Variants in TXNL4A observed in about 807,000 individuals in gnomAD.
TXNL4A encodes thioredoxin-like protein 4A.
A neutral mutation model predicts 14.6 loss-of-function variants in TXNL4A; 17 were observed. The ratio of observed to expected loss-of-function variants is 1.16; its 90% confidence interval spans 0.80 to 1.74. TXNL4A has a LOEUF of 1.74. Among genes scored for constraint, TXNL4A ranks in the 40% most tolerant of loss-of-function variants. The pLI is 0.00. For synonymous variants in TXNL4A, 83 were observed against 70.6 expected (o/e 1.18, Z -0.88); for missense variants, 74 against 195.2 (o/e 0.38, Z 3.70).
chr18:79,977,405 A>C (rs1480063271), intron 2 of TXNL4A, 193 bp downstream of exon 2: 2 of 556,944 alleles, frequency 3.6e-6, no homozygotes, highest in African/African-American at 3.9e-5. Context: ...TACTGAGTAA[A>C]TGCTAAAACT....
At chr18:79,991,066 C>T (rs554843285), upstream of TXNL4A, among the ~76,000 whole-genome samples, 1 of 147,376 alleles carries the variant, frequency 6.8e-6, no homozygotes, top group Non-Finnish European at 1.5e-5. Flanking sequence ...CGAGATTGTA[C>T]CACTGCACTC....
At chr18:79,989,903 G>A (rs1159383605), upstream of TXNL4A, among the ~76,000 whole-genome samples, 1 of 152,238 alleles carries the variant, frequency 6.6e-6, no homozygotes, top group Non-Finnish European at 1.5e-5. Flanking sequence ...GGCTGAGGCA[G>A]GAGAATCGCT....
chr18:79,981,109 A>G (rs1298377014), intron 1 of TXNL4A, among the ~76,000 whole-genome samples: 2 of 152,264 alleles, frequency 1.3e-5, no homozygotes, highest in African/African-American at 4.8e-5. Flanking sequence ...GGTCACAGGC[A>G]TTAGGAAAGT....
upstream of TXNL4A, among the ~76,000 whole-genome samples, chr18:79,990,879 C>T (rs1435376365): frequency 2.1e-5 from 3 of 142,232 alleles, no homozygotes; most frequent in African/African-American, 7.6e-5. Flanking sequence ...CCGAGGCGGG[C>T]GGATCACGAG....
intron 1 of TXNL4A, among the ~76,000 whole-genome samples, chr18:80,015,659 A>G (rs1376925602): frequency 1.7e-3 from 261 of 150,994 alleles, no homozygotes; most frequent in African/African-American, 5.8e-3. Context: ...ATGATTTCCA[A>G]TTTCATCCAT....
chr18:80,031,036 C>G (rs1181014766), intron 1 of TXNL4A, among the ~76,000 whole-genome samples: 2 of 152,180 alleles, frequency 1.3e-5, no homozygotes, highest in Non-Finnish European at 2.9e-5. Flanking sequence ...GTGGAAAGGA[C>G]CAGCTCATTA....
intron 2 of TXNL4A, among the ~76,000 whole-genome samples, chr18:79,974,546 A>G (rs2051349972): frequency 6.6e-6 from 1 of 152,196 alleles, no homozygotes; most frequent in South Asian, 2.1e-4. Context: ...CATCTAGGCT[A>G]GGGCATAGTG....
chr18:79,992,592 T>A (rs961501014), upstream of TXNL4A, among the ~76,000 whole-genome samples: 4 of 152,088 alleles, frequency 2.6e-5, no homozygotes, highest in Non-Finnish European at 4.4e-5. Context: ...CCCCTTTTGG[T>A]TCCTAAATAA....
At chr18:79,989,923 G>C (rs190549239), upstream of TXNL4A, among the ~76,000 whole-genome samples, 6 of 152,194 alleles carry the variant, frequency 3.9e-5, no homozygotes, top group African/African-American at 1.2e-4. Context: ...TTGAACCCAG[G>C]GGGTGGAGGT....
intron 1 of TXNL4A, among the ~76,000 whole-genome samples, chr18:80,006,463 A>C (rs1599744339): frequency 1.3e-5 from 2 of 152,180 alleles, no homozygotes. Context: ...TTGAGCGCCC[A>C]GTGGTGGATT....
intron 1 of TXNL4A, among the ~76,000 whole-genome samples, chr18:80,007,484 A>C (rs2051739245): frequency 6.6e-6 from 1 of 152,230 alleles, no homozygotes; most frequent in African/African-American, 2.4e-5. Flanking sequence ...TCTATGGGTA[A>C]CATCGGGTTC....
At chr18:80,024,165 G>A (rs1025873269) in intron 1 of TXNL4A, among the ~76,000 whole-genome samples, 2 of 151,408 alleles carry the variant, frequency 1.3e-5, no homozygotes, top group Non-Finnish European at 2.9e-5. Flanking sequence ...CAGCTGGGGG[G>A]GTCTGAGGTT....
At chr18:79,987,151 C>T (rs2051563160) in intron 1 of TXNL4A, among the ~76,000 whole-genome samples, 1 of 152,234 alleles carries the variant, frequency 6.6e-6, no homozygotes, top group African/African-American at 2.4e-5. Context: ...TGCTGGACTT[C>T]ACCCCATACC....
intron 1 of TXNL4A, among the ~76,000 whole-genome samples, chr18:80,024,074 C>T (rs1214167848): frequency 6.6e-6 from 1 of 152,144 alleles, no homozygotes; most frequent in Non-Finnish European, 1.5e-5. Context: ...GGCTCGGGCA[C>T]CTTGTAGCCC....
intron 1 of TXNL4A, among the ~76,000 whole-genome samples, chr18:80,005,318 C>T (rs2051722634): frequency 6.6e-6 from 1 of 152,230 alleles, no homozygotes; most frequent in South Asian, 2.1e-4. Context: ...ACTTGGCAAG[C>T]TCCCCTGGGG....
At chr18:80,032,660 G>A (rs913523098) in intron 1 of TXNL4A, among the ~76,000 whole-genome samples, 3 of 152,066 alleles carry the variant, frequency 2.0e-5, no homozygotes, top group Non-Finnish European at 4.4e-5. Flanking sequence ...GCCAACATGG[G>A]GAAACACCGT....
intron 1 of TXNL4A, among the ~76,000 whole-genome samples, chr18:80,020,272 G>A (rs1371498153): frequency 1.3e-5 from 2 of 152,128 alleles, no homozygotes; most frequent in African/African-American, 4.8e-5. Flanking sequence ...TTTCCTCTGG[G>A]AGGAAAGTGG....
chr18:79,984,940 C>T (rs2051521830), intron 1 of TXNL4A, among the ~76,000 whole-genome samples: 2 of 152,184 alleles, frequency 1.3e-5, no homozygotes, highest in African/African-American at 4.8e-5. Flanking sequence ...ATGAAATTGT[C>T]CCCTCTGAGA....
intron 1 of TXNL4A, among the ~76,000 whole-genome samples, chr18:79,984,769 C>A (rs2051518502): frequency 6.6e-6 from 1 of 152,110 alleles, no homozygotes; most frequent in Non-Finnish European, 1.5e-5. Context: ...CTACAATGCC[C>A]AGCTCACTGA....
Sources: allele counts gnomAD v4.1 joint callset (sites outside exome capture counted in the v4.1 genomes callset), GRCh38; gene constraint gnomAD v4.1.1; transcripts MANE v1.5; gene names NCBI Gene and HGNC (gene_info 2026-07-23, HGNC 2026-07-21).